RELN: variants seen among roughly 807,000 people sequenced by gnomAD.
RELN encodes reelin.
RELN carries 108 observed loss-of-function variants against 427.6 expected under a neutral mutation model. The ratio of observed to expected loss-of-function variants is 0.25; its 90% confidence interval spans 0.22 to 0.30. The LOEUF is 0.30. Among genes scored for constraint, RELN ranks in the 10% least tolerant of loss-of-function variants. The pLI is 1.00. For synonymous variants in RELN, 1,524 were observed against 1,513.4 expected, an observed-to-expected ratio of 1.01 and a Z score of -0.16; for missense variants, 3,715 against 4,302.8, an observed-to-expected ratio of 0.86 and a Z score of 3.82.
At chr7:103,793,481 T>G (rs1792217655) in intron 3 of RELN, among the ~76,000 whole-genome samples, 1 of 152,192 alleles carries the variant, frequency 6.6e-6, no homozygotes, top group South Asian at 2.1e-4. Flanking sequence ...AGAACCATAA[T>G]TAGACTGACT....
At chr7:103,610,943 A>C (rs1262945032) in intron 21 of RELN, 136 bp from the exon 22 acceptor site, 2 of 682,360 alleles carry the variant, frequency 2.9e-6, no homozygotes, top group East Asian at 2.7e-5. Flanking sequence ...ATATGGAAAC[A>C]ATCCATGATT....
At chr7:103,745,797 C>T (rs1163145852) in intron 6 of RELN, among the ~76,000 whole-genome samples, 2 of 152,066 alleles carry the variant, frequency 1.3e-5, no homozygotes, top group Non-Finnish European at 2.9e-5. Context: ...ACATTCCATG[C>T]TCATGGGTAG....
chr7:103,574,376 A>C, intron 29 of RELN, 77 bp from the exon 30 acceptor site: 1 of 1,183,088 alleles, frequency 8.5e-7, no homozygotes, highest in Non-Finnish European at 1.2e-6. Flanking sequence ...ACATGGGCAA[A>C]GGAAGAATGT....
At chr7:103,833,417 A>G in intron 3 of RELN, 120 bp downstream of exon 3, 2 of 1,030,082 alleles carry the variant, frequency 1.9e-6, no homozygotes, top group Non-Finnish European at 3.0e-6. Flanking sequence ...AAAATTAGTG[A>G]TTTTAATTAG....
intron 59 of RELN, among the ~76,000 whole-genome samples, chr7:103,490,173 C>T (rs915466173): frequency 2.0e-5 from 3 of 152,202 alleles, no homozygotes; most frequent in African/African-American, 7.2e-5. Flanking sequence ...ATTTTTCCTA[C>T]ACAGGTGTAT....
At chr7:103,733,125 C>T (rs560754457) in intron 6 of RELN, among the ~76,000 whole-genome samples, 34 of 152,084 alleles carry the variant, frequency 2.2e-4, no homozygotes, top group South Asian at 1.0e-3. Context: ...AAAAAGTGGG[C>T]GAAGGACATG....
At chr7:103,943,236 T>C (rs1788804990) in intron 1 of RELN, among the ~76,000 whole-genome samples, 3 of 152,164 alleles carry the variant, frequency 2.0e-5, no homozygotes, top group South Asian at 2.1e-4. Flanking sequence ...TCATAGTGGA[T>C]GTAACAGGAG....
At chr7:103,552,557 T>C (rs1584288620) in intron 40 of RELN, among the ~76,000 whole-genome samples, 2 of 149,160 alleles carry the variant, frequency 1.3e-5, no homozygotes, top group Non-Finnish European at 3.0e-5. Context: ...GGCTGGAGTG[T>C]AGTGGCACAA....
chr7:103,961,571 C>T (rs77219706), intron 1 of RELN, among the ~76,000 whole-genome samples: 103 of 152,294 alleles, frequency 6.8e-4, no homozygotes, highest in African/African-American at 2.4e-3. Context: ...ACAAACATAA[C>T]GTCCTGCTAC....
rs752208462 is a variant in RELN, at chr7:103,503,139, A to G, written c.8366T>C (p.Leu2789Pro). Residue 2789 changes from leucine to proline, a missense_variant, in exon 52 of 65, where the codon CTG becomes CCG. This residue lies in a region of RELN where 1,310 missense variants were observed against 1,643.0 expected (regional missense o/e 0.80). Coordinates refer to ENST00000428762, the MANE Select transcript of RELN (RefSeq NM_005045.4). ...GTCAGCAGGCAAGCACTGAGGGACC[A>G]GATAATTCCAACTCACACCGAAGTC... ...STDFGVSWNY[L>P]VPQCLPADPK... 4.3e-6 allele frequency: 7 copies of G among 1,614,114 alleles called. No homozygotes were observed. The African/African-American group carries it at 8.0e-5, about 18-fold the overall frequency.
Position 103,619,012 on chromosome 7 carries a change from G to A in RELN, c.2703-7209C>T, listed in dbSNP as rs561808171. Among the ~76,000 whole-genome samples the A allele has an allele frequency of 1.2e-4, 19 of 152,198 alleles. 2 individuals carry two copies. The South Asian group carries it at 3.9e-3, about 32-fold the overall frequency. ...GGGCACCTGTAGTCCCAGCTACTTG[G>A]GAGGCTGAGGCAGGAGAATGGCATG... On this transcript the variant is annotated intron_variant, in intron 20 of 64. Coordinates refer to ENST00000428762, the MANE Select transcript of RELN (RefSeq NM_005045.4).
In RELN at chr7:103,566,407, G is replaced by A. The variant is rs746175102; in HGVS notation, c.4753C>T (p.His1585Tyr). 1.9e-6 allele frequency: 3 copies of A among 1,613,908 alleles called. No individual in the cohort carries two copies. Among genetic ancestry groups the A allele is most frequent in the Admixed American group, 3.3e-5 (2 of 60,010 alleles). The part of the protein sequence containing the change: ...FRWWQPQHGK[H>Y]SAQWALDDVL... ...TCATCCAAAGCCCACTGGGCTGAAT[G>A]CTTCCCTGCAATCAGATGAATAAAG... The change falls in exon 33 of 65, where the codon CAT becomes TAT. Residue 1585 changes from histidine to tyrosine, a missense_variant. His to Tyr is a moderately conservative substitution (Grantham distance 83). Around this residue, in one of 4 missense-constraint regions of RELN, gnomAD observed 2,208 missense variants for 2,361.7 expected, o/e 0.93. Coordinates refer to ENST00000428762, the MANE Select transcript of RELN (RefSeq NM_005045.4).
intron 2 of RELN, among the ~76,000 whole-genome samples, chr7:103,872,037 T>C (rs10274697): frequency 2.0e-5 from 2 of 97,734 alleles, no homozygotes; most frequent in Admixed American, 2.0e-4. Context: ...TATATTTTTC[T>C]TTTTTCTTTT....
At chr7:103,554,712 T>C (rs954095136) in intron 38 of RELN, among the ~76,000 whole-genome samples, 1 of 152,122 alleles carries the variant, frequency 6.6e-6, no homozygotes, top group Non-Finnish European at 1.5e-5. Context: ...CTTCAAATAA[T>C]AGCAGTGCTA....
chr7:103,832,339 A>G (rs1160032582), intron 3 of RELN, among the ~76,000 whole-genome samples: 2 of 152,164 alleles, frequency 1.3e-5, no homozygotes, highest in Non-Finnish European at 2.9e-5. Context: ...CATCTATTCG[A>G]CAAATATTTA....
chr7:103,664,221 T>C (rs1274123266), intron 11 of RELN, among the ~76,000 whole-genome samples: 3 of 152,230 alleles, frequency 2.0e-5, no homozygotes, highest in Non-Finnish European at 2.9e-5. Flanking sequence ...AAACTTTTGA[T>C]AGACATTTAG....
At chr7:103,595,534 A>C (rs1466255291) in intron 25 of RELN, among the ~76,000 whole-genome samples, 2 of 152,198 alleles carry the variant, frequency 1.3e-5, no homozygotes, top group Admixed American at 1.3e-4. Context: ...TTCAATCTAC[A>C]AAATAGGTAT....
chr7:103,848,958 T>G (rs1793747836), intron 2 of RELN, among the ~76,000 whole-genome samples: 4 of 152,296 alleles, frequency 2.6e-5, no homozygotes, highest in African/African-American at 9.6e-5. Context: ...TCAATCTACT[T>G]GATGAACAGC....
chr7:103,782,695 T>C (rs546138165), intron 3 of RELN, among the ~76,000 whole-genome samples: 1 of 151,676 alleles, frequency 6.6e-6, no homozygotes, highest in South Asian at 2.1e-4. Context: ...TGTATTGCCA[T>C]CTAGTTTACA....
Sources: allele counts gnomAD v4.1 joint callset (sites outside exome capture counted in the v4.1 genomes callset), GRCh38; gene constraint gnomAD v4.1.1; regional missense constraint gnomAD v4.1.1; transcripts MANE v1.5; gene names NCBI Gene and HGNC (gene_info 2026-07-23, HGNC 2026-07-21).